The following TNFRSF17 variants were observed in gnomAD, a reference collection of about 807,000 sequenced individuals.
TNFRSF17 encodes tumor necrosis factor receptor superfamily member 17.
In TNFRSF17, 13 loss-of-function variants were observed where a neutral mutation model predicts 9.9. That is an observed-to-expected ratio of 1.31 (90% CI 0.85 to 2.08). The LOEUF is 2.08. TNFRSF17 is among the 30% of genes most tolerant of loss of function. The probability of loss-of-function intolerance (pLI) is 0.00; values close to 1 mark genes in which losing one functional copy is unlikely to be tolerated. For synonymous variants in TNFRSF17, 99 were observed against 83.7 expected (o/e 1.18, Z -1.00); for missense variants, 305 against 225.8 (o/e 1.35, Z -2.25).
intron 2 of TNFRSF17, 128 bp downstream of exon 2, chr16:11,966,469 G>A: frequency 2.1e-6 from 2 of 960,750 alleles, no homozygotes; most frequent in Non-Finnish European, 3.0e-6. Context: ...TTAGAACATT[G>A]TTACATTAAA....
chr16:11,967,617 A>G lies in TNFRSF17; in HGVS notation c.325A>G (p.Thr109Ala). Residue 109 changes from threonine to alanine, a missense_variant, in exon 3 of 3, where the codon ACT becomes GCT. Transcript: ENST00000053243. The stretch of plus-strand genomic sequence containing the variant: ...TAACATTGACCTGGAAAAGAGCAGG[A>G]CTGGTGATGAAATTATTCTTCCGAG... ...MANIDLEKSR[T>A]GDEIILPRGL... is the part of the protein sequence containing the mutation. The G allele has an allele frequency of 6.2e-7, 1 of 1,614,180 alleles. No homozygotes were observed. The highest frequency in any genetic ancestry group is 8.5e-7 in the Non-Finnish European group (1 of 1,180,024).
chr16:11,966,065 C>G (rs1008343927), intron 1 of TNFRSF17, 130 bp from the exon 2 acceptor site: 2 of 830,864 alleles, frequency 2.4e-6, no homozygotes, highest in Non-Finnish European at 3.4e-6. Context: ...GAGCCGAGAT[C>G]GCGCCACTGC....
chr16:11,965,262 A>T lies in TNFRSF17; in HGVS notation c.-63A>T. On this transcript the variant is annotated 5_prime_UTR_variant, in exon 1 of 3. Coordinates refer to ENST00000053243, the MANE Select transcript of TNFRSF17 (RefSeq NM_001192.3). ...GCTGCATTTGCTCTGGAATTCTTGTAGAGATATTACTTGTCCTTCCAGGCT... is the reference window on the plus strand; with the variant it reads ...GCTGCATTTGCTCTGGAATTCTTGTTGAGATATTACTTGTCCTTCCAGGCT... The T allele has an allele frequency of 6.4e-7, 1 of 1,563,548 alleles. No homozygotes were observed. Among genetic ancestry groups the T allele is most frequent in the Non-Finnish European group, 8.8e-7 (1 of 1,139,268 alleles).
intron 2 of TNFRSF17, chr16:11,966,886 T>G (rs2055198426): frequency 6.5e-6 from 1 of 152,904 alleles, no homozygotes; most frequent in South Asian, 2.0e-4. Flanking sequence ...ATGTTCTACT[T>G]AAGTGCCTCT....
chr16:11,966,410 CT>C, intron 2 of TNFRSF17, 69 bp downstream of exon 2: 4 of 1,496,936 alleles, frequency 2.7e-6, no homozygotes, highest in South Asian at 1.3e-5. Context: ...AGTTCCTTTT[CT>C]TTTTTTAGCG....
Position 11,965,262 on chromosome 16 carries a change from A to G in TNFRSF17, c.-63A>G. On this transcript the variant is annotated 5_prime_UTR_variant, in exon 1 of 3. Coordinates refer to ENST00000053243, the MANE Select transcript of TNFRSF17 (RefSeq NM_001192.3). Reference sequence around the variant, plus strand: ...GCTGCATTTGCTCTGGAATTCTTGTAGAGATATTACTTGTCCTTCCAGGCT... The same window carrying G: ...GCTGCATTTGCTCTGGAATTCTTGTGGAGATATTACTTGTCCTTCCAGGCT... 10 of 1,563,548 alleles carry G rather than the reference A, an allele frequency of 6.4e-6. No homozygotes were observed. The highest frequency in any genetic ancestry group is 8.8e-6 in the Non-Finnish European group (10 of 1,139,268).
At position 11,966,336 on chromosome 16, in the gene TNFRSF17, A is replaced by G. The variant is rs1415042034; in HGVS notation, c.272A>G (p.Asn91Ser). Residue 91 changes from asparagine to serine, a missense_variant, in exon 2 of 3, where the codon AAC (asparagine) becomes AGC (serine). Transcript: ENST00000053243. ...NSEPLKDEFK[N>S]TGSGLLGMAN... ...GAACCATTAAAGGACGAGTTTAAAA[A>G]CACAGGTTGGTTTGATGGTGAATCT... 5 of 1,610,938 alleles carry G rather than the reference A, an allele frequency of 3.1e-6. No individual in the cohort carries two copies. The East Asian group carries it at 1.1e-4, about 36-fold the overall frequency.
At position 11,967,620 on chromosome 16, in the gene TNFRSF17, G is replaced by A. The variant is rs2055205667; in HGVS notation, c.328G>A (p.Gly110Ser). The change falls in exon 3 of 3, where the codon GGT (glycine) becomes AGT (serine). Residue 110 changes from glycine (G) to serine (S), a missense_variant. Transcript: ENST00000053243. ...ANIDLEKSRTGDEIILPRGLE... is the reference protein window; with the variant it reads ...ANIDLEKSRTSDEIILPRGLE... The stretch of plus-strand genomic sequence containing the variant: ...CATTGACCTGGAAAAGAGCAGGACT[G>A]GTGATGAAATTATTCTTCCGAGAGG... 1 of 1,614,070 alleles carries A rather than the reference G, an allele frequency of 6.2e-7. No homozygotes were observed. Among genetic ancestry groups the A allele is most frequent in the Admixed American group, 1.7e-5 (1 of 60,000 alleles).
In TNFRSF17 at chr16:11,967,646, C is replaced by T; in HGVS notation, c.354C>T (p.Gly118=). 6.2e-7 allele frequency: 1 copy of T among 1,614,148 alleles called. No individual in the cohort carries two copies. Among genetic ancestry groups the T allele is most frequent in the Non-Finnish European group, 8.5e-7 (1 of 1,180,006 alleles). The change falls in exon 3 of 3, where the codon GGC becomes GGT. Residue 118 remains glycine, a synonymous_variant. Transcript: ENST00000053243. Reference sequence around the variant, plus strand: ...GTGATGAAATTATTCTTCCGAGAGGCCTCGAGTACACGGTGGAAGAATGCA... The same window carrying T: ...GTGATGAAATTATTCTTCCGAGAGGTCTCGAGTACACGGTGGAAGAATGCA... ...RTGDEIILPR[G]LEYTVEECTC...
In TNFRSF17 at chr16:11,968,061, T is replaced by A; in HGVS notation, c.*214T>A. ...TTGGTTTCATGATTAAACTCTTTTT[T>A]TTCCTGACATCTAAGTTTTTATTAA... On this transcript the variant is annotated 3_prime_UTR_variant, in exon 3 of 3. Transcript: ENST00000053243. 1.8e-6 allele frequency: 1 copy of A among 552,072 alleles called. No individual in the cohort carries two copies. The highest frequency in any genetic ancestry group is 1.9e-5 in the African/African-American group (1 of 52,510). The allele number at this position is 552,072 out of a possible 1,614,324, so 34.2% of individuals were successfully genotyped here.
In TNFRSF17 at chr16:11,967,785, T is replaced by C. The variant is rs1369474998; in HGVS notation, c.493T>C (p.Cys165Arg). 1.9e-6 allele frequency: 3 copies of C among 1,614,198 alleles called. No individual in the cohort carries two copies. The highest frequency in any genetic ancestry group is 1.7e-5 in the Admixed American group (1 of 60,014). The change falls in exon 3 of 3, where the codon TGC (cysteine) becomes CGC (arginine). Residue 165 changes from cysteine (C) to arginine (R), a missense_variant. Physicochemically the swap from Cys to Arg is radical, Grantham distance 180 (BLOSUM62 -3). Transcript: ENST00000053243. ...TGTCACCACGAAAACGAATGACTAT[T>C]GCAAGAGCCTGCCAGCTGCTTTGAG... ...ILVTTKTNDYCKSLPAALSAT... is the reference protein window; with the variant it reads ...ILVTTKTNDYRKSLPAALSAT...
At chr16:11,967,547 T>C in intron 2 of TNFRSF17, 23 bp from the exon 3 acceptor site, 1 of 1,600,844 alleles carries the variant, frequency 6.2e-7, no homozygotes, top group Non-Finnish European at 8.5e-7. Context: ...TTTGGGTTAA[T>C]GTTTCCGTTT....
intron 1 of TNFRSF17, among the ~76,000 whole-genome samples, chr16:11,965,861 G>A (rs1186502275): frequency 6.6e-6 from 1 of 152,176 alleles, no homozygotes; most frequent in Non-Finnish European, 1.5e-5. Context: ...TGTAATCCCA[G>A]CACTTTGGGA....
intron 1 of TNFRSF17, among the ~76,000 whole-genome samples, chr16:11,965,683 C>T (rs11075036): frequency 0.11 from 16,852 of 152,060 alleles, 1,347 homozygotes; most frequent in Admixed American, 0.19. Flanking sequence ...TAAAAATCAG[C>T]TCTTCTAATT....
chr16:11,967,439 G>C, intron 2 of TNFRSF17, 131 bp from the exon 3 acceptor site: 1 of 926,266 alleles, frequency 1.1e-6, no homozygotes, highest in Non-Finnish European at 1.6e-6. Flanking sequence ...GGGCAACACA[G>C]TAAGACCCCA....
intron 2 of TNFRSF17, 97 bp downstream of exon 2, chr16:11,966,438 G>C (rs531066231): frequency 2.2e-5 from 28 of 1,250,268 alleles, no homozygotes; most frequent in African/African-American, 3.1e-5. Flanking sequence ...ATTTCACTTC[G>C]TTACAGCCCT....
intron 1 of TNFRSF17, 109 bp from the exon 2 acceptor site, chr16:11,966,086 G>A: frequency 2.5e-6 from 3 of 1,186,376 alleles, no homozygotes; most frequent in Non-Finnish European, 1.1e-6. Context: ...ACTCTAGCCT[G>A]GGCAACAGAG....
At position 11,968,008 on chromosome 16, in the gene TNFRSF17, T is replaced by C. The variant is rs1251257798; in HGVS notation, c.*161T>C. 2.5e-6 allele frequency: 2 copies of C among 786,378 alleles called. No individual in the cohort carries two copies. Among genetic ancestry groups the C allele is most frequent in the African/African-American group, 1.8e-5 (1 of 57,122 alleles). 48.7% of individuals were successfully genotyped at this position (786,378 alleles called of 1,614,324 possible). A position where few individuals can be genotyped will look rare whatever the true frequency, so the allele number is the denominator to read the frequency against. Reference sequence around the variant, plus strand: ...TGTTAGATATATTTCTCTAGGTTACTGTTGGGAGCTTAATGGTAGAAACTT... The same window carrying C: ...TGTTAGATATATTTCTCTAGGTTACCGTTGGGAGCTTAATGGTAGAAACTT... On this transcript the variant is annotated 3_prime_UTR_variant, in exon 3 of 3. Transcript: ENST00000053243.
chr16:11,966,250 G>A lies in TNFRSF17; in HGVS notation c.186G>A (p.Leu62=), dbSNP rs766069132. The change falls in exon 2 of 3, where the codon CTG becomes CTA. Residue 62 remains leucine (L), a synonymous_variant. Coordinates refer to ENST00000053243, the MANE Select transcript of TNFRSF17 (RefSeq NM_001192.3). The stretch of plus-strand genomic sequence containing the variant: ...CGATTCTCTGGACCTGTTTGGGACT[G>A]AGCTTAATAATTTCTTTGGCAGTTT... ...TNAILWTCLG[L]SLIISLAVFV... The A allele has an allele frequency of 1.2e-5, 20 of 1,613,972 alleles. No homozygotes were observed. In the South Asian group the frequency reaches 2.0e-4, roughly 16 times the overall value.
Sources: allele counts gnomAD v4.1 joint callset (sites outside exome capture counted in the v4.1 genomes callset), GRCh38; gene constraint gnomAD v4.1.1; transcripts MANE v1.5; gene names NCBI Gene and HGNC (gene_info 2026-07-23, HGNC 2026-07-21).